Variants in TECTA observed in about 807,000 individuals in gnomAD.
TECTA encodes the protein tectorin alpha.
Under a neutral mutation model 216.8 loss-of-function variants are expected in TECTA, and 128 were observed. The ratio of observed to expected loss-of-function variants is 0.59; its 90% confidence interval spans 0.51 to 0.68. The LOEUF (loss-of-function observed/expected upper bound fraction) is 0.68. TECTA is among the 30% of genes least tolerant of loss of function. TECTA has a pLI of 0.00. For missense variants in TECTA, 2,551 were observed against 2,786.2 expected, an observed-to-expected ratio of 0.92 and a Z score of 1.90; for synonymous variants, 1,089 against 1,117.1, an observed-to-expected ratio of 0.97 and a Z score of 0.50.
chr11:121,144,253 G>T (rs987824773), intron 11 of TECTA, among the ~76,000 whole-genome samples: 1 of 152,184 alleles, frequency 6.6e-6, no homozygotes, highest in Non-Finnish European at 1.5e-5. Flanking sequence ...CTCAAGCCCT[G>T]GAGAGGGCTT....
At position 121,190,691 on chromosome 11, in the gene TECTA, CCT is replaced by C; in HGVS notation, c.6368-10_6368-9del. On this transcript the variant is annotated splice_polypyrimidine_tract_variant and intron_variant, in intron 23 of 23. Coordinates refer to ENST00000392793, the MANE Select transcript of TECTA (RefSeq NM_005422.4). The stretch of plus-strand genomic sequence containing the variant: ...TTCCCCCCATAGGGCTTACTGTGTT[CCT>C]CTCTGTTTACAGCCTCTAATTCTTC... 2 of 1,598,326 alleles carry C rather than the reference CCT, an allele frequency of 1.3e-6. No homozygotes were observed. The highest frequency in any genetic ancestry group is 1.7e-4 in the Middle Eastern group (1 of 6,028).
At position 121,134,574 on chromosome 11, in the gene TECTA, C is replaced by G. The variant is rs868277594; in HGVS notation, c.2942-2847C>G. 1.6e-4 allele frequency among the ~76,000 whole-genome samples: 24 copies of G among 148,626 alleles called. No individual in the cohort carries two copies. In the Middle Eastern group the frequency reaches 0.01, roughly 64 times the overall value. ...GGACCTTATCATACTTTCCCAAAGT[C>G]TTTTTTTTTTTCATCCACCTCCCTA... is the stretch of plus-strand genomic sequence containing the variant. On this transcript the variant is annotated intron_variant, in intron 10 of 23. Coordinates refer to ENST00000392793, the MANE Select transcript of TECTA (RefSeq NM_005422.4).
intron 13 of TECTA, 55 bp from the exon 14 acceptor site, chr11:121,157,786 G>T (rs1324342395): frequency 3.7e-6 from 6 of 1,611,600 alleles, no homozygotes; most frequent in South Asian, 1.1e-5. Flanking sequence ...TGGGCTTTCG[G>T]GTCCCCAGCC....
intron 19 of TECTA, 24 bp downstream of exon 19, chr11:121,168,241 A>C (rs372854284): frequency 6.7e-5 from 108 of 1,613,948 alleles, no homozygotes; most frequent in Non-Finnish European, 8.9e-5. Context: ...TGGGCTGTGC[A>C]CATTGCTTTT....
At chr11:121,147,024 A>G (rs1946844645) in intron 12 of TECTA, among the ~76,000 whole-genome samples, 1 of 152,160 alleles carries the variant, frequency 6.6e-6, no homozygotes, top group Admixed American at 6.5e-5. Flanking sequence ...ATACTGCTGG[A>G]CTATGTAGTG....
In TECTA at chr11:121,187,840, A is replaced by T. The variant is rs1485960768; in HGVS notation, c.6008A>T (p.Asn2003Ile). Residue 2003 changes from asparagine (N) to isoleucine (I), a missense_variant, in exon 21 of 24, where the codon AAC (asparagine) becomes ATC (isoleucine). By Grantham distance (149) the Asn-to-Ile change is moderately radical. This residue lies in a region of TECTA where 58 missense variants were observed against 105.9 expected (regional missense o/e 0.55). Coordinates refer to ENST00000392793, the MANE Select transcript of TECTA (RefSeq NM_005422.4). Reference protein sequence around the residue: ...RYFIIEGGCQNLKDNTIGIEE... With the variant: ...RYFIIEGGCQILKDNTIGIEE... The stretch of plus-strand genomic sequence containing the variant: ...TTATTTTTTCTGAATAGGTGTCAGA[A>T]CCTCAAAGATAACACCATTGGCATC... The T allele has an allele frequency of 2.5e-6, 4 of 1,614,116 alleles. No individual in the cohort carries two copies. The highest frequency in any genetic ancestry group is 1.3e-5 in the African/African-American group (1 of 74,940).
Position 121,130,176 on chromosome 11 carries a change from T to C in TECTA, c.2906T>C (p.Val969Ala), listed in dbSNP as rs1221919492. 2 of 1,602,998 alleles carry C rather than the reference T, an allele frequency of 1.2e-6. No individual in the cohort carries two copies. Among genetic ancestry groups the C allele is most frequent in the Non-Finnish European group, 1.7e-6 (2 of 1,179,966 alleles). Residue 969 changes from valine to alanine, a missense_variant, in exon 10 of 24, where the codon GTG (valine) becomes GCG (alanine). Val to Ala is a moderately conservative substitution (Grantham distance 64, BLOSUM62 0). Transcript: ENST00000392793. ...RYASACKNAD[V>A]EVGPWRTYDF... ...GCAAGCGCCTGCAAGAATGCGGACG[T>C]GGAGGTGGGGCCCTGGCGGACCTAT... is the stretch of plus-strand genomic sequence containing the variant.
chr11:121,110,959 C>A (rs1946436559), intron 4 of TECTA, among the ~76,000 whole-genome samples: 1 of 152,110 alleles, frequency 6.6e-6, no homozygotes, highest in African/African-American at 2.4e-5. Flanking sequence ...CCATCCATCC[C>A]CATCTTTGAA....
chr11:121,109,708 T>C, intron 4 of TECTA: 1 of 601,114 alleles, frequency 1.7e-6, no homozygotes, highest in Non-Finnish European at 2.9e-6. Flanking sequence ...AGAAGATATG[T>C]CACCCCTATC....
chr11:121,165,207 CCAAAAGCTACCG>C, intron 16 of TECTA, 54 bp from the exon 17 acceptor site: 1 of 1,486,650 alleles, frequency 6.7e-7, no homozygotes, highest in Non-Finnish European at 9.2e-7. Context: ...TGGAGTGGAA[CCAAAAGCTACCG>C]CATGTAGGTG....
chr11:121,130,300 G>A, intron 10 of TECTA, 89 bp downstream of exon 10: 1 of 1,457,342 alleles, frequency 6.9e-7, no homozygotes, highest in Non-Finnish European at 9.3e-7. Context: ...TTCCAGGTGG[G>A]ACTGAGCTCA....
chr11:121,179,218 G>T (rs1022531274), intron 20 of TECTA, among the ~76,000 whole-genome samples: 1 of 151,644 alleles, frequency 6.6e-6, no homozygotes, highest in Admixed American at 6.6e-5. Flanking sequence ...ACATGTTTTG[G>T]TATGTTCTGT....
At chr11:121,148,381 A>T (rs1044129556) in intron 12 of TECTA, among the ~76,000 whole-genome samples, 3 of 152,218 alleles carry the variant, frequency 2.0e-5, no homozygotes, top group Non-Finnish European at 1.5e-5. Context: ...AATGAATGGC[A>T]AAAAGGAAAA....
intron 7 of TECTA, among the ~76,000 whole-genome samples, chr11:121,123,943 C>G (rs1946583339): frequency 6.6e-6 from 1 of 152,186 alleles, no homozygotes; most frequent in East Asian, 1.9e-4. Context: ...CAACCTAGGG[C>G]TGCTGTTCCC....
At chr11:121,142,002 C>A (rs561603839) in intron 11 of TECTA, among the ~76,000 whole-genome samples, 1 of 152,148 alleles carries the variant, frequency 6.6e-6, no homozygotes, top group East Asian at 1.9e-4. Context: ...GAAGAGGAGA[C>A]CCAGAGCTGA....
At position 121,162,121 on chromosome 11, in the gene TECTA, G is replaced by A; in HGVS notation, c.5023G>A (p.Ala1675Thr). The A allele has an allele frequency of 6.2e-7, 1 of 1,614,176 alleles. No homozygotes were observed. The highest frequency in any genetic ancestry group is 1.7e-5 in the Admixed American group (1 of 60,032). The change falls in exon 16 of 24, where the codon GCC (alanine) becomes ACC (threonine). Residue 1675 changes from alanine (A) to threonine (T), a missense_variant. By Grantham distance (58) the Ala-to-Thr change is moderately conservative. This residue lies in a region of TECTA where 2,375 missense variants were observed against 2,563.9 expected (regional missense o/e 0.93). Transcript: ENST00000392793. Reference sequence around the variant, plus strand: ...CGAGCTGCAGTTCTCACAGTATGCAGCCATGTGTGACAATGTGCACATCCA... The same window carrying A: ...CGAGCTGCAGTTCTCACAGTATGCAACCATGTGTGACAATGTGCACATCCA... The part of the protein sequence containing the change: ...CNELQFSQYA[A>T]MCDNVHIQKM...
At chr11:121,177,253 G>A (rs1198383615) in intron 20 of TECTA, among the ~76,000 whole-genome samples, 1 of 148,952 alleles carries the variant, frequency 6.7e-6, no homozygotes, top group African/African-American at 2.5e-5. Context: ...GAGGCGCTCT[G>A]CTTTTTAGAG....
chr11:121,158,273 T>C (rs759142063), intron 14 of TECTA, 49 bp downstream of exon 14: 15 of 1,602,148 alleles, frequency 9.4e-6, no homozygotes, highest in Middle Eastern at 1.7e-4. Flanking sequence ...AAACAAGGGG[T>C]TGGCTAGGGG....
chr11:121,115,912 C>T (rs1242231313), intron 6 of TECTA, among the ~76,000 whole-genome samples: 1 of 152,194 alleles, frequency 6.6e-6, no homozygotes, highest in East Asian at 1.9e-4. Context: ...CCATCTCAGC[C>T]TTCCAAAGCA....
Sources: allele counts gnomAD v4.1 joint callset (sites outside exome capture counted in the v4.1 genomes callset), GRCh38; gene constraint gnomAD v4.1.1; regional missense constraint gnomAD v4.1.1; transcripts MANE v1.5; gene names NCBI Gene and HGNC (gene_info 2026-07-23, HGNC 2026-07-21).